Variants in PDXDC1 observed in about 807,000 individuals in gnomAD.
PDXDC1 encodes pyridoxal-dependent decarboxylase domain-containing protein 1.
A neutral mutation model predicts 100.1 loss-of-function variants in PDXDC1; 42 were observed. The observed-to-expected ratio is 0.42, with a 90% CI of 0.33 to 0.54. PDXDC1 has a LOEUF of 0.54. Among genes scored for constraint, PDXDC1 ranks in the 20% least tolerant of loss-of-function variants. The pLI is 0.10. For missense variants in PDXDC1, 636 were observed against 979.2 expected (o/e 0.65, Z 4.68); for synonymous variants, 260 against 371.7 (o/e 0.70, Z 3.46).
intron 16 of PDXDC1, chr16:15,086,177 C>G: frequency 6.2e-7 from 1 of 1,603,348 alleles, no homozygotes; most frequent in Admixed American, 1.7e-5. Context: ...CTGAGGAAAA[C>G]AGTCTGTGCT....
At position 15,002,071 on chromosome 16, in the gene PDXDC1, A is replaced by G. The variant is rs540309108; in HGVS notation, c.242+215A>G. Among the ~76,000 whole-genome samples the G allele has an allele frequency of 7.2e-5, 11 of 152,422 alleles. No homozygotes were observed. The East Asian group carries it at 2.1e-3, about 29-fold the overall frequency. On this transcript the variant is annotated intron_variant, in intron 4 of 22. Transcript: ENST00000396410. ...AATTAGATCCCATAGTTTTTATGGT[A>G]TCATGCCTTAGAGAGGCGCTGGCAG... is the stretch of plus-strand genomic sequence containing the variant.
At chr16:15,074,569 C>T in intron 16 of PDXDC1, 1 of 465,294 alleles carries the variant, frequency 2.1e-6, no homozygotes, top group South Asian at 6.1e-5. Flanking sequence ...ATGTGACTGG[C>T]AAGTAACTTG....
Position 15,129,556 on chromosome 16 carries a change from C to G in PDXDC1, c.1400-9323C>G, listed in dbSNP as rs550556792. ...GGTGCTGGCGCCTCCGTCTGAGAGA[C>G]GAGCTATGCAGTCAGGATCGCGGGT... On this transcript the variant is annotated intron_variant, in intron 16 of 16. Transcript: ENST00000535621. 2.9e-3 allele frequency among the ~76,000 whole-genome samples: 448 copies of G among 152,344 alleles called. 4 individuals carry two copies. Among genetic ancestry groups the G allele is most frequent in the African/African-American group, 0.01 (416 of 41,570 alleles).
At chr16:15,027,356 G>A (rs1222066264) in intron 14 of PDXDC1, among the ~76,000 whole-genome samples, 1 of 152,276 alleles carries the variant, frequency 6.6e-6, no homozygotes, top group Non-Finnish European at 1.5e-5. Flanking sequence ...ATCTGGGGGT[G>A]AATGTTTTAC....
intron 11 of PDXDC1, among the ~76,000 whole-genome samples, chr16:15,018,063 C>T (rs1409754053): frequency 1.3e-5 from 2 of 151,482 alleles, no homozygotes; most frequent in Non-Finnish European, 2.9e-5. Context: ...GCTGGGATTA[C>T]AGGCATGAGC....
chr16:15,036,101 G>C lies in PDXDC1; in HGVS notation c.2193G>C (p.Lys731Asn). The change falls in exon 23 of 23, where the codon AAG becomes AAC. Residue 731 changes from lysine to asparagine, a missense_variant. By Grantham distance (94) the Lys-to-Asn change is moderately conservative. Transcript: ENST00000396410. ...TCAGTCACATTGAAGACTTAGAAAA[G>C]GTGGAGCGCCTATCCAGTGGGCCGG... ...SSVSHIEDLEKVERLSSGPEQ... is the reference protein window; with the variant it reads ...SSVSHIEDLENVERLSSGPEQ... 6 of 1,614,124 alleles carry C rather than the reference G, an allele frequency of 3.7e-6. No homozygotes were observed. Among genetic ancestry groups the C allele is most frequent in the Non-Finnish European group, 4.2e-6 (5 of 1,180,018 alleles).
intron 16 of PDXDC1, among the ~76,000 whole-genome samples, chr16:15,111,233 G>T (rs2047045667): frequency 6.9e-6 from 1 of 145,866 alleles, no homozygotes; most frequent in Admixed American, 6.8e-5. Context: ...GAGGCAGGCG[G>T]ATCACCTGAG....
chr16:15,016,761 A>AG lies in PDXDC1; in HGVS notation c.813-354dup, dbSNP rs757280456. ...CTATTGTAGGGCCATTAAGAGAAGC[A>AG]GGGGGAACGGACGTGGGCAGCCAGA... On this transcript the variant is annotated intron_variant, in intron 9 of 22. Coordinates refer to ENST00000396410, the MANE Select transcript of PDXDC1 (RefSeq NM_015027.4). Among the ~76,000 whole-genome samples, 8 of 152,298 alleles carry AG rather than the reference A, an allele frequency of 5.3e-5. No individual in the cohort carries two copies. In the East Asian group the frequency reaches 5.8e-4, roughly 11 times the overall value.
intron 16 of PDXDC1, among the ~76,000 whole-genome samples, chr16:15,066,525 C>G (rs1185002499): frequency 6.6e-6 from 1 of 151,516 alleles, no homozygotes; most frequent in Non-Finnish European, 1.5e-5. Flanking sequence ...CCCAGCTATT[C>G]GGGAGGCTGA....
intron 16 of PDXDC1, among the ~76,000 whole-genome samples, chr16:15,086,983 C>T (rs2045935891): frequency 6.6e-6 from 1 of 152,156 alleles, no homozygotes; most frequent in Non-Finnish European, 1.5e-5. Flanking sequence ...TAGCCCCATT[C>T]CTCCATGAAA....
At chr16:15,083,495 A>G (rs1567215292) in intron 16 of PDXDC1, 2 of 1,608,484 alleles carry the variant, frequency 1.2e-6, no homozygotes, top group Non-Finnish European at 1.7e-6. Context: ...TGATGTTCTC[A>G]ATGAAAAGAT....
intron 16 of PDXDC1, among the ~76,000 whole-genome samples, chr16:15,111,333 G>A (rs1480614240): frequency 6.8e-6 from 1 of 147,358 alleles, no homozygotes; most frequent in Non-Finnish European, 1.5e-5. Context: ...GTGCATGCCT[G>A]TAATCCCAGC....
chr16:15,001,024 T>TC (rs1208608074), intron 3 of PDXDC1, among the ~76,000 whole-genome samples: 1 of 151,992 alleles, frequency 6.6e-6, no homozygotes, highest in Admixed American at 6.6e-5. Flanking sequence ...TGTCTTGTAC[T>TC]CCAAGATTCA....
intron 16 of PDXDC1, chr16:15,061,299 A>G (rs1434363843): frequency 1.3e-5 from 2 of 159,712 alleles, no homozygotes; most frequent in Non-Finnish European, 2.7e-5. Context: ...TAAAGTCTTT[A>G]AATAGAAGTT....
intron 1 of PDXDC1, among the ~76,000 whole-genome samples, chr16:14,976,360 T>G (rs1204563766): frequency 6.6e-6 from 1 of 152,290 alleles, no homozygotes; most frequent in Admixed American, 6.5e-5. Context: ...TAGATTTTGT[T>G]CACTTGTCAC....
chr16:15,140,304 C>T (rs192253684), downstream of PDXDC1, among the ~76,000 whole-genome samples: 361 of 148,792 alleles, frequency 2.4e-3, no homozygotes, highest in Non-Finnish European at 3.6e-3. Context: ...ATTAGTTGGG[C>T]GTGGTGGCAA....
intron 16 of PDXDC1, among the ~76,000 whole-genome samples, chr16:15,129,003 T>A (rs2047911409): frequency 6.6e-6 from 1 of 150,722 alleles, no homozygotes; most frequent in African/African-American, 2.4e-5. Context: ...GAGACAGGGT[T>A]TCACCGTTAG....
In PDXDC1 at chr16:15,031,863, CTA is replaced by C; in HGVS notation, c.1532_1533del (p.Tyr511CysfsTer2). 5.0e-6 allele frequency: 8 copies of C among 1,613,830 alleles called. No homozygotes were observed. The highest frequency in any genetic ancestry group is 6.8e-6 in the Non-Finnish European group (8 of 1,179,880). ...KQEVEATAGLLYVDDPNWSGI... is the reference protein window; with the variant it reads ...KQEVEATAGLXYVDDPNWSGI... ...GGAAGTGGAAGCAACAGCAGGTCTCCTATATGTTGATGACCCTAACTGGTCTG... is the reference window on the plus strand; with the variant it reads ...GGAAGTGGAAGCAACAGCAGGTCTCCTATGTTGATGACCCTAACTGGTCTG... On this transcript the variant is annotated frameshift_variant, in exon 17 of 23. Coordinates refer to ENST00000396410, the MANE Select transcript of PDXDC1 (RefSeq NM_015027.4). LOFTEE classifies it high-confidence loss of function.
chr16:15,122,955 C>T (rs1444605352), intron 16 of PDXDC1, among the ~76,000 whole-genome samples: 1 of 149,832 alleles, frequency 6.7e-6, no homozygotes, highest in Non-Finnish European at 1.5e-5. Flanking sequence ...GGAAAGGATC[C>T]GGTTCAAATT....
Sources: gnomAD v4.1 joint callset for allele counts (sites outside exome capture counted in the v4.1 genomes callset) on GRCh38, gnomAD v4.1.1 for gene constraint, MANE v1.5 for transcripts, NCBI Gene and HGNC (gene_info 2026-07-23, HGNC 2026-07-21) for gene names.